Variants in TENM3 observed in about 807,000 individuals in gnomAD.
TENM3 encodes teneurin transmembrane protein 3, also known as teneurin-3.
In TENM3, 63 loss-of-function variants were observed where a neutral mutation model predicts 255.1. The ratio of observed to expected loss-of-function variants is 0.25; its 90% CI spans 0.20 to 0.30. The LOEUF (loss-of-function observed/expected upper bound fraction) is 0.30, where lower values mean the gene tolerates loss of function less well. Ranked by LOEUF, TENM3 falls within the 10% of genes least tolerant of loss-of-function variation. TENM3 has a pLI of 1.00. For missense variants in TENM3, 2,929 were observed against 3,461.1 expected (o/e 0.85, Z 3.86); for synonymous variants, 1,306 against 1,322.3 (o/e 0.99, Z 0.27).
the TENM3 span, among the ~76,000 whole-genome samples, chr4:181,580,923 G>A: frequency 8.5e-5 from 13 of 152,314 alleles, no homozygotes; most frequent in East Asian, 2.3e-3. Flanking sequence ...GAAAATGTAT[G>A]TGTGGTTTGG....
intron 3 of TENM3, among the ~76,000 whole-genome samples, chr4:182,540,276 A>G (rs1740733827): frequency 6.6e-6 from 1 of 152,178 alleles, no homozygotes; most frequent in African/African-American, 2.4e-5. Flanking sequence ...CTAACAGAGT[A>G]TTCGTTTCCA....
At chr4:182,500,495 T>C (rs888883213) in intron 3 of TENM3, among the ~76,000 whole-genome samples, 3 of 152,204 alleles carry the variant, frequency 2.0e-5, no homozygotes, top group African/African-American at 7.2e-5. Flanking sequence ...CTAACATCAC[T>C]GTCATATGCT....
intron 3 of TENM3, among the ~76,000 whole-genome samples, chr4:182,370,717 C>T (rs538629121): frequency 5.1e-4 from 77 of 152,240 alleles, no homozygotes; most frequent in Non-Finnish European, 7.4e-4. Flanking sequence ...GCTCTTAAAA[C>T]GCAATCTGGA....
chr4:182,039,692 T>C, the TENM3 span, among the ~76,000 whole-genome samples: 148,327 of 151,840 alleles, frequency 0.98, 72,556 homozygotes, highest in East Asian at 1. Flanking sequence ...TTGTCACTGA[T>C]ATGATCATGA....
chr4:181,971,065 G>A, the TENM3 span, among the ~76,000 whole-genome samples: 7 of 152,018 alleles, frequency 4.6e-5, no homozygotes, highest in South Asian at 4.2e-4. Context: ...CTCCCGCCTC[G>A]AGCTCCCAAA....
At chr4:181,613,064 A>G in the TENM3 span, among the ~76,000 whole-genome samples, 1 of 152,170 alleles carries the variant, frequency 6.6e-6, no homozygotes, top group South Asian at 2.1e-4. Flanking sequence ...AATGCCTATC[A>G]TGCCGTTTGG....
the TENM3 span, among the ~76,000 whole-genome samples, chr4:181,633,175 A>T: frequency 0.016 from 2,401 of 152,302 alleles, 32 homozygotes; most frequent in East Asian, 0.038. Flanking sequence ...TTGCTCTGTG[A>T]ATTCCCTCAG....
At chr4:182,721,573 T>C (rs1759737175) in intron 13 of TENM3, among the ~76,000 whole-genome samples, 1 of 152,182 alleles carries the variant, frequency 6.6e-6, no homozygotes, top group South Asian at 2.1e-4. Flanking sequence ...CATATGAATC[T>C]TTGTGTAAAT....
intron 1 of TENM3, among the ~76,000 whole-genome samples, chr4:182,170,052 G>A (rs1751995768): frequency 1.3e-5 from 2 of 150,488 alleles, no homozygotes; most frequent in South Asian, 4.2e-4. Flanking sequence ...ATACTAGATC[G>A]CAACTGATTT....
intron 3 of TENM3, among the ~76,000 whole-genome samples, chr4:182,406,414 G>A (rs937660001): frequency 6.6e-6 from 1 of 152,124 alleles, no homozygotes; most frequent in African/African-American, 2.4e-5. Context: ...GGGACAGAAG[G>A]TAAAGTATTT....
chr4:182,000,553 C>T, the TENM3 span, among the ~76,000 whole-genome samples: 1 of 152,112 alleles, frequency 6.6e-6, no homozygotes, highest in Non-Finnish European at 1.5e-5. Flanking sequence ...ATATTGCTGT[C>T]AGAGATATTT....
At chr4:182,397,730 T>G (rs935209059) in intron 3 of TENM3, among the ~76,000 whole-genome samples, 1 of 152,186 alleles carries the variant, frequency 6.6e-6, no homozygotes, top group African/African-American at 2.4e-5. Flanking sequence ...CGGAATCACC[T>G]GGAGGGCGGC....
At chr4:181,931,517 G>T in the TENM3 span, among the ~76,000 whole-genome samples, 1 of 152,106 alleles carries the variant, frequency 6.6e-6, no homozygotes, top group Non-Finnish European at 1.5e-5. Context: ...AATCAGAGAG[G>T]ACACAAACAA....
the TENM3 span, among the ~76,000 whole-genome samples, chr4:181,563,329 C>T: frequency 2.0e-5 from 3 of 152,140 alleles, no homozygotes; most frequent in African/African-American, 7.2e-5. Flanking sequence ...TTCATCTGTA[C>T]TAGGTTTTCT....
chr4:181,900,269 C>G, the TENM3 span, among the ~76,000 whole-genome samples: 1 of 152,166 alleles, frequency 6.6e-6, no homozygotes, highest in South Asian at 2.1e-4. Context: ...AGTGGAAAAA[C>G]TTTCCATTAA....
At chr4:182,494,637 A>T (rs1384471977) in intron 3 of TENM3, among the ~76,000 whole-genome samples, 3 of 152,200 alleles carry the variant, frequency 2.0e-5, no homozygotes, top group African/African-American at 7.2e-5. Context: ...ATGTTTCTGT[A>T]CATTCCCTTG....
the TENM3 span, among the ~76,000 whole-genome samples, chr4:181,574,068 C>A: frequency 6.6e-6 from 1 of 152,116 alleles, no homozygotes; most frequent in African/African-American, 2.4e-5. Context: ...TTGAAACTCC[C>A]CGAAGATTTA....
the TENM3 span, among the ~76,000 whole-genome samples, chr4:182,021,697 T>C: frequency 6.6e-6 from 1 of 151,210 alleles, no homozygotes; most frequent in African/African-American, 2.4e-5. Context: ...TCTAAGAATG[T>C]TCTAGAAATT....
the TENM3 span, among the ~76,000 whole-genome samples, chr4:181,458,135 T>G: frequency 6.6e-6 from 1 of 151,946 alleles, no homozygotes; most frequent in African/African-American, 2.4e-5. Flanking sequence ...ATCTTGCAAA[T>G]CTGTATCCTC....
Sources: gnomAD v4.1 joint callset for allele counts (sites outside exome capture counted in the v4.1 genomes callset) on GRCh38, gnomAD v4.1.1 for gene constraint, MANE v1.5 for transcripts, NCBI Gene and HGNC (gene_info 2026-07-23, HGNC 2026-07-21) for gene names.